LSAMP: variants seen among roughly 807,000 people sequenced by gnomAD.
LSAMP encodes limbic system-associated membrane protein.
A neutral mutation model predicts 38.6 loss-of-function variants in LSAMP; 7 were observed. That is an observed-to-expected ratio of 0.18 (90% CI 0.10 to 0.34). LSAMP has a LOEUF of 0.34. LSAMP is among the 10% of genes least tolerant of loss of function. The pLI is 1.00. For synonymous variants in LSAMP, 154 were observed against 166.8 expected (o/e 0.92, Z 0.59); for missense variants, 313 against 420.0 (o/e 0.75, Z 2.23).
At chr3:116,207,545 G>C (rs1346437863) in intron 1 of LSAMP, among the ~76,000 whole-genome samples, 2 of 151,694 alleles carry the variant, frequency 1.3e-5, no homozygotes, top group African/African-American at 4.8e-5. Flanking sequence ...GCTGGTCCCG[G>C]TTGTTCCTTT....
chr3:116,344,225 CA>C (rs2048034826), intron 1 of LSAMP, among the ~76,000 whole-genome samples: 2 of 151,984 alleles, frequency 1.3e-5, no homozygotes, highest in South Asian at 4.1e-4. Flanking sequence ...CTTAAAAGCC[CA>C]ACTCTGCTGT....
intron 1 of LSAMP, among the ~76,000 whole-genome samples, chr3:116,387,790 T>C (rs1398193905): frequency 6.6e-6 from 1 of 152,102 alleles, no homozygotes; most frequent in African/African-American, 2.4e-5. Context: ...ATAGATTTGA[T>C]GTAATTGAAA....
At position 116,072,749 on chromosome 3, in the gene LSAMP, G is replaced by T. The variant is rs1707640070; in HGVS notation, c.388+13575C>A. Reference sequence around the variant, plus strand: ...TGCTTACTTTTTGAAGGGGTTGTTTGTGGTTTTTTTTTTTTTTTTTTGTAA... The same window carrying T: ...TGCTTACTTTTTGAAGGGGTTGTTTTTGGTTTTTTTTTTTTTTTTTTGTAA... On this transcript the variant is annotated intron_variant, in intron 2 of 6. Transcript: ENST00000490035. 2.0e-4 allele frequency among the ~76,000 whole-genome samples: 25 copies of T among 126,600 alleles called. No individual in the cohort carries two copies. In the South Asian group the frequency reaches 5.6e-3, roughly 28 times the overall value. 83.1% of individuals were successfully genotyped at this position (126,600 alleles called of 152,430 possible). A position where few individuals can be genotyped will look rare whatever the true frequency, so the allele number is the denominator to read the frequency against.
chr3:115,851,377 G>A (rs1451088968), intron 4 of LSAMP, among the ~76,000 whole-genome samples: 1 of 152,196 alleles, frequency 6.6e-6, no homozygotes, highest in African/African-American at 2.4e-5. Context: ...ATGGACCTGA[G>A]TCTGAATCCC....
chr3:116,310,547 C>A (rs77292082), intron 1 of LSAMP, among the ~76,000 whole-genome samples: 1 of 152,156 alleles, frequency 6.6e-6, no homozygotes, highest in Non-Finnish European at 1.5e-5. Context: ...ATCCTTTAGG[C>A]TTTCTGTATA....
intron 3 of LSAMP, among the ~76,000 whole-genome samples, chr3:115,978,159 C>G (rs775602386): frequency 6.6e-6 from 1 of 151,966 alleles, no homozygotes; most frequent in African/African-American, 2.4e-5. Flanking sequence ...GCCACCACGC[C>G]CAGCGACTTC....
At chr3:116,413,539 GTTCA>G (rs1478075263) in intron 1 of LSAMP, among the ~76,000 whole-genome samples, 22 of 151,864 alleles carry the variant, frequency 1.4e-4, no homozygotes, top group Non-Finnish European at 2.9e-4. Flanking sequence ...TAATTTGACT[GTTCA>G]TAGCCTAGAT....
chr3:116,266,790 A>C (rs111334820), intron 1 of LSAMP, among the ~76,000 whole-genome samples: 128 of 152,300 alleles, frequency 8.4e-4, no homozygotes, highest in African/African-American at 2.8e-3. Context: ...TAGTTATATA[A>C]TATATATGAT....
intron 1 of LSAMP, among the ~76,000 whole-genome samples, chr3:116,427,310 C>T (rs1009623910): frequency 6.6e-6 from 1 of 151,058 alleles, no homozygotes; most frequent in African/African-American, 2.4e-5. Context: ...TTAGTAGAGA[C>T]GGGGTTTCAC....
intron 6 of LSAMP, among the ~76,000 whole-genome samples, chr3:115,813,160 A>G (rs1325456093): frequency 2.0e-5 from 3 of 152,114 alleles, no homozygotes; most frequent in African/African-American, 7.2e-5. Context: ...CTTTAATTTT[A>G]TCCTTCATAA....
intron 3 of LSAMP, among the ~76,000 whole-genome samples, chr3:115,887,539 G>C (rs1002908971): frequency 6.6e-6 from 1 of 151,888 alleles, no homozygotes; most frequent in African/African-American, 2.4e-5. Context: ...CAACTATATT[G>C]AAAGAATTCA....
Position 116,356,432 on chromosome 3 carries a change from A to T in LSAMP, c.155+88445T>A, listed in dbSNP as rs150797398. Among the ~76,000 whole-genome samples, 733 of 152,262 alleles carry T rather than the reference A, an allele frequency of 4.8e-3. 8 individuals are homozygous for T. Among genetic ancestry groups the T allele is most frequent in the African/African-American group, 0.016 (681 of 41,554 alleles). On this transcript the variant is annotated intron_variant, in intron 1 of 6. Transcript: ENST00000490035. ...TGATGGTTACCAGAGGTTTGGAAGA[A>T]TGGAGGTGGTGGGAGTGGGTGGTGG...
intron 3 of LSAMP, among the ~76,000 whole-genome samples, chr3:115,992,471 C>T (rs1049508537): frequency 1.3e-5 from 2 of 152,072 alleles, no homozygotes; most frequent in African/African-American, 4.8e-5. Context: ...CAAAGACACC[C>T]TCCCTCTTCT....
At chr3:116,200,075 T>C (rs1237669161) in intron 1 of LSAMP, among the ~76,000 whole-genome samples, 1 of 140,848 alleles carries the variant, frequency 7.1e-6, no homozygotes, top group Non-Finnish European at 1.5e-5. Context: ...ACAGTTTTAC[T>C]GTTTTTCAGT....
intron 3 of LSAMP, among the ~76,000 whole-genome samples, chr3:115,941,261 G>A (rs901434410): frequency 6.6e-6 from 1 of 151,896 alleles, no homozygotes; most frequent in African/African-American, 2.4e-5. Context: ...TATGAAGATG[G>A]GTATCCTCAA....
chr3:115,996,383 C>G (rs2107650483), intron 3 of LSAMP, among the ~76,000 whole-genome samples: 2 of 152,152 alleles, frequency 1.3e-5, no homozygotes, highest in Middle Eastern at 6.8e-3. Flanking sequence ...TCTTTTATTT[C>G]AAGAGAGATC....
intron 1 of LSAMP, among the ~76,000 whole-genome samples, chr3:116,227,799 T>C (rs1331580068): frequency 6.6e-6 from 1 of 152,166 alleles, no homozygotes; most frequent in Non-Finnish European, 1.5e-5. Context: ...ACATTTTAAA[T>C]GGTCATAACT....
chr3:116,043,579 T>C (rs906931138), intron 2 of LSAMP, among the ~76,000 whole-genome samples: 11 of 152,246 alleles, frequency 7.2e-5, no homozygotes, highest in Non-Finnish European at 1.5e-4. Flanking sequence ...GTTAGCTTGC[T>C]GCTCTGTGAA....
intron 1 of LSAMP, among the ~76,000 whole-genome samples, chr3:116,339,497 T>C (rs1281804874): frequency 6.6e-6 from 1 of 151,696 alleles, no homozygotes; most frequent in African/African-American, 2.4e-5. Flanking sequence ...GATACTGAAT[T>C]GTAAAGGTTT....
Sources: allele counts gnomAD v4.1 joint callset (sites outside exome capture counted in the v4.1 genomes callset), GRCh38; gene constraint gnomAD v4.1.1; transcripts MANE v1.5; gene names NCBI Gene and HGNC (gene_info 2026-07-23, HGNC 2026-07-21).